The following ETV6 variants were observed in gnomAD, a reference collection of about 807,000 sequenced individuals.
ETV6 encodes the protein transcription factor ETV6.
Under a neutral mutation model 51.1 loss-of-function variants are expected in ETV6, and 16 were observed. The observed-to-expected ratio is 0.31, with a 90% CI of 0.21 to 0.48. ETV6 has a LOEUF of 0.48. Ranked by LOEUF, ETV6 falls within the 20% of genes least tolerant of loss-of-function variation. The pLI, the probability that ETV6 is intolerant of heterozygous loss-of-function variation, is 0.99. For missense variants in ETV6, 458 were observed against 594.8 expected, an observed-to-expected ratio of 0.77 and a Z score of 2.39; for synonymous variants, 240 against 224.1, an observed-to-expected ratio of 1.07 and a Z score of -0.64.
chr12:11,870,094 G>T (rs2136542147), intron 5 of ETV6, 125 bp downstream of exon 5: 1 of 1,052,546 alleles, frequency 9.5e-7, no homozygotes, highest in South Asian at 1.6e-5. Flanking sequence ...GCTCTCTGAG[G>T]GCAATTGGAG....
At chr12:11,809,567 G>A (rs1945881201) in intron 2 of ETV6, among the ~76,000 whole-genome samples, 1 of 152,062 alleles carries the variant, frequency 6.6e-6, no homozygotes, top group Non-Finnish European at 1.5e-5. Flanking sequence ...TTCCATGTGT[G>A]GTTTTAAATT....
chr12:11,796,612 A>G (rs895662665), intron 2 of ETV6, among the ~76,000 whole-genome samples: 2 of 152,268 alleles, frequency 1.3e-5, no homozygotes, highest in Non-Finnish European at 2.9e-5. Flanking sequence ...TACATCATCT[A>G]CCACTGAAAC....
chr12:11,850,050 G>A (rs865796599), intron 3 of ETV6, among the ~76,000 whole-genome samples: 3 of 152,060 alleles, frequency 2.0e-5, no homozygotes, highest in East Asian at 1.9e-4. Flanking sequence ...AAGTTTTTTC[G>A]TGACCCAGTA....
At chr12:11,744,461 C>A (rs139849834) in intron 1 of ETV6, among the ~76,000 whole-genome samples, 1 of 152,206 alleles carries the variant, frequency 6.6e-6, no homozygotes, top group African/African-American at 2.4e-5. Context: ...AGCTTAGAGG[C>A]ATTGCTGGAT....
chr12:11,824,752 A>G (rs1490873466), intron 2 of ETV6, among the ~76,000 whole-genome samples: 1 of 152,240 alleles, frequency 6.6e-6, no homozygotes, highest in African/African-American at 2.4e-5. Context: ...AGCCTGAGCG[A>G]CAGAGCAAGA....
At position 11,650,065 on chromosome 12, in the gene ETV6, T is replaced by G; in HGVS notation, c.-63T>G. On this transcript the variant is annotated 5_prime_UTR_variant, in exon 1 of 8. Transcript: ENST00000396373. ...TGGCTGGCCGTGGAGCCTTTCTGGG[T>G]TGGGGAGAGGAAAGGAAAGTGGAAA... The G allele has an allele frequency of 6.7e-7, 1 of 1,485,274 alleles. No individual in the cohort carries two copies. The highest frequency in any genetic ancestry group is 9.4e-7 in the Non-Finnish European group (1 of 1,063,054). The allele number at this position is 1,485,274 out of a possible 1,614,324, so 92.0% of individuals were successfully genotyped here.
intron 5 of ETV6, among the ~76,000 whole-genome samples, chr12:11,881,607 A>G (rs1591746831): frequency 6.6e-6 from 1 of 152,328 alleles, no homozygotes; most frequent in Non-Finnish European, 1.5e-5. Flanking sequence ...TTAAAAGGGC[A>G]CTAATCCCAC....
intron 1 of ETV6, among the ~76,000 whole-genome samples, chr12:11,739,962 T>C (rs1009951): frequency 0.51 from 77,190 of 152,058 alleles, 20,973 homozygotes; most frequent in Admixed American, 0.63. Context: ...AGTTGCTTTA[T>C]GTGGATGGGT....
At chr12:11,753,073 C>A (rs570055098) in intron 2 of ETV6, among the ~76,000 whole-genome samples, 1 of 152,114 alleles carries the variant, frequency 6.6e-6, no homozygotes, top group Admixed American at 6.5e-5. Flanking sequence ...TTCTTCCCTT[C>A]GTTTTCTAGG....
chr12:11,797,650 C>T (rs1164089385), intron 2 of ETV6, among the ~76,000 whole-genome samples: 1 of 152,134 alleles, frequency 6.6e-6, no homozygotes, highest in African/African-American at 2.4e-5. Flanking sequence ...CCCAAGCTTC[C>T]TCTTGATAAA....
rs1865175456 is a variant in ETV6, at chr12:11,711,709, A to G, written c.34-40741A>G. On this transcript the variant is annotated intron_variant, in intron 1 of 7. Coordinates refer to ENST00000396373, the MANE Select transcript of ETV6 (RefSeq NM_001987.5). ...GGAGCAATGGCCCCTGGGTCCTGTT[A>G]GGGACATACTCTTAATGACTGTAAA... 2.0e-5 allele frequency among the ~76,000 whole-genome samples: 3 copies of G among 152,344 alleles called. No homozygotes were observed. In the South Asian group the frequency reaches 6.2e-4, roughly 32 times the overall value.
At chr12:11,741,548 G>T (rs1865811135) in intron 1 of ETV6, among the ~76,000 whole-genome samples, 1 of 152,180 alleles carries the variant, frequency 6.6e-6, no homozygotes, top group South Asian at 2.1e-4. Flanking sequence ...AAGTGAAGCT[G>T]AGAAGCCTTC....
chr12:11,788,974 A>G (rs1366568930), intron 2 of ETV6, among the ~76,000 whole-genome samples: 1 of 151,082 alleles, frequency 6.6e-6, no homozygotes, highest in Non-Finnish European at 1.5e-5. Flanking sequence ...TTTTCCAGTC[A>G]CTTTTCTTTT....
chr12:11,698,438 G>A (rs1266990357), intron 1 of ETV6, among the ~76,000 whole-genome samples: 1 of 152,196 alleles, frequency 6.6e-6, no homozygotes, highest in Non-Finnish European at 1.5e-5. Flanking sequence ...CTGATCTGAG[G>A]CTTGACTGAG....
At chr12:11,709,819 G>A (rs778522977) in intron 1 of ETV6, among the ~76,000 whole-genome samples, 3 of 152,154 alleles carry the variant, frequency 2.0e-5, no homozygotes. Flanking sequence ...CTGCACCACC[G>A]GCTCTTCTCT....
intron 2 of ETV6, among the ~76,000 whole-genome samples, chr12:11,786,547 A>G (rs150676841): frequency 4.5e-4 from 68 of 152,284 alleles, no homozygotes; most frequent in African/African-American, 1.5e-3. Context: ...TTATGTCTAG[A>G]GGAGAGTCTT....
chr12:11,745,626 G>A lies in ETV6; in HGVS notation c.34-6824G>A, dbSNP rs538136976. Among the ~76,000 whole-genome samples the A allele has an allele frequency of 3.3e-5, 5 of 152,236 alleles. No homozygotes were observed. In the South Asian group the frequency reaches 1.0e-3, roughly 32 times the overall value. ...TGGACTGCGGCCACTGTGATTTCTG[G>A]GGGCAGACTCAGCTCCTTCTTGGTG... On this transcript the variant is annotated intron_variant, in intron 1 of 7. Transcript: ENST00000396373.
chr12:11,819,526 A>G (rs1032024798), intron 2 of ETV6, among the ~76,000 whole-genome samples: 2 of 152,190 alleles, frequency 1.3e-5, no homozygotes, highest in Non-Finnish European at 2.9e-5. Flanking sequence ...ACAACTGCCT[A>G]CTGGGCCTCT....
chr12:11,752,600 AG>A, intron 2 of ETV6, 21 bp downstream of exon 2: 1 of 1,601,566 alleles, frequency 6.2e-7, no homozygotes, highest in Middle Eastern at 1.9e-4. Context: ...GTGACCCGAG[AG>A]GGACAGAGGA....
Sources: gnomAD v4.1 joint callset for allele counts (sites outside exome capture counted in the v4.1 genomes callset) on GRCh38, gnomAD v4.1.1 for gene constraint, MANE v1.5 for transcripts, NCBI Gene and HGNC (gene_info 2026-07-23, HGNC 2026-07-21) for gene names.